The following CRK variants were observed in gnomAD, a reference collection of about 807,000 sequenced individuals.
The protein encoded by CRK is CRK proto-oncogene, adaptor protein.
Under a neutral mutation model 29.8 loss-of-function variants are expected in CRK, and 4 were observed. That is an observed-to-expected ratio of 0.13 (90% CI 0.07 to 0.31). The LOEUF is 0.31. CRK is among the 10% of genes least tolerant of loss of function. The pLI is 1.00. For synonymous variants in CRK, 153 were observed against 164.9 expected, an observed-to-expected ratio of 0.93 and a Z score of 0.55; for missense variants, 274 against 396.5, an observed-to-expected ratio of 0.69 and a Z score of 2.62.
chr17:1,443,621 G>A (rs1363568484), intron 1 of CRK, among the ~76,000 whole-genome samples: 4 of 150,808 alleles, frequency 2.7e-5, no homozygotes, highest in South Asian at 2.1e-4. Context: ...GGATGGTTTC[G>A]ATCTCCTGAC....
At position 1,449,362 on chromosome 17, in the gene CRK, T is replaced by G. The variant is rs56357629; in HGVS notation, c.241+6515A>C. On this transcript the variant is annotated intron_variant, in intron 1 of 2. Transcript: ENST00000300574. ...CCTCTCAAAGATAAGAAGTTTTCCA[T>G]TTTGCTTCAAAAGCCCCCACACCTC... Among the ~76,000 whole-genome samples the G allele has an allele frequency of 6.1e-3, 922 of 152,294 alleles. 7 individuals are homozygous for G. The highest frequency in any genetic ancestry group is 9.5e-3 in the Non-Finnish European group (643 of 68,030).
At position 1,427,100 on chromosome 17, in the gene CRK, G is replaced by T. The variant is rs551727279; in HGVS notation, c.778-3450C>A. The stretch of plus-strand genomic sequence containing the variant: ...TTCTGACATGCCCCAGCCAGGCTAG[G>T]CAACAATAGCAAGACTGTGTCTCTT... On this transcript the variant is annotated intron_variant, in intron 2 of 2. Transcript: ENST00000300574. Among the ~76,000 whole-genome samples, 24 of 135,240 alleles carry T rather than the reference G, an allele frequency of 1.8e-4. 1 individual carries two copies. Among genetic ancestry groups the T allele is most frequent in the Middle Eastern group, 4.2e-3 (1 of 238 alleles). The allele number at this position is 135,240 out of a possible 152,430, so 88.7% of individuals were successfully genotyped here.
intron 1 of CRK, among the ~76,000 whole-genome samples, chr17:1,449,966 A>C (rs566280024): frequency 1.3e-5 from 2 of 152,318 alleles, no homozygotes; most frequent in East Asian, 1.9e-4. Flanking sequence ...TGGGAGGTCA[A>C]GGCAGGTGGA....
intron 2 of CRK, among the ~76,000 whole-genome samples, chr17:1,427,307 A>T (rs2073790583): frequency 6.6e-6 from 1 of 150,818 alleles, no homozygotes; most frequent in South Asian, 2.1e-4. Flanking sequence ...AAAAAAAAGA[A>T]TCTTGGCCGG....
In CRK at chr17:1,448,717, T is replaced by A. The variant is rs550664891; in HGVS notation, c.241+7160A>T. Among the ~76,000 whole-genome samples the A allele has an allele frequency of 5.0e-4, 76 of 150,974 alleles. 1 individual carries two copies. The highest frequency in any genetic ancestry group is 8.8e-4 in the Non-Finnish European group (60 of 67,908). On this transcript the variant is annotated intron_variant, in intron 1 of 2. Transcript: ENST00000300574. ...TCCAAATTCCTTCAGCAATTTTCAA[T>A]TCATCCTCAAATCCAGAGCCCACTG...
chr17:1,436,600 A>G lies in CRK; in HGVS notation c.777+20T>C, dbSNP rs747593853. ...ACCCTGCAGCAGATCTCTTCTTTCT[A>G]CATTGTGCACGTTATGTACCTCCAA... On this transcript the variant is annotated intron_variant, in intron 2 of 2. Coordinates refer to ENST00000300574, the MANE Select transcript of CRK (RefSeq NM_016823.4). 2 of 1,575,348 alleles carry G rather than the reference A, an allele frequency of 1.3e-6. No homozygotes were observed. Among genetic ancestry groups the G allele is most frequent in the African/African-American group, 1.4e-5 (1 of 73,242 alleles).
chr17:1,432,646 G>A (rs1445562260), intron 2 of CRK, among the ~76,000 whole-genome samples: 4 of 151,492 alleles, frequency 2.6e-5, no homozygotes, highest in Non-Finnish European at 4.4e-5. Flanking sequence ...GCGTGGTGGC[G>A]GGCGCCTGTA....
At chr17:1,431,100 C>T (rs1161039747) in intron 2 of CRK, among the ~76,000 whole-genome samples, 1 of 119,112 alleles carries the variant, frequency 8.4e-6, no homozygotes, top group Non-Finnish European at 1.9e-5. Flanking sequence ...ACAAATTAAC[C>T]CTTTGTGCTT....
intron 2 of CRK, among the ~76,000 whole-genome samples, chr17:1,430,903 T>C (rs1429997993): frequency 6.6e-6 from 1 of 151,054 alleles, no homozygotes; most frequent in Non-Finnish European, 1.5e-5. Context: ...CCGTCTCTAC[T>C]AAAAATACAA....
chr17:1,444,749 C>T (rs539367296), intron 1 of CRK, among the ~76,000 whole-genome samples: 2 of 151,432 alleles, frequency 1.3e-5, no homozygotes, highest in African/African-American at 4.8e-5. Context: ...AGGAGAATCG[C>T]TGGAACCCGG....
At chr17:1,430,521 T>C (rs1458334409) in intron 2 of CRK, among the ~76,000 whole-genome samples, 2 of 148,286 alleles carry the variant, frequency 1.3e-5, no homozygotes, top group Non-Finnish European at 3.0e-5. Flanking sequence ...CACGTCCGGC[T>C]AATTTTTTGT....
intron 2 of CRK, among the ~76,000 whole-genome samples, chr17:1,433,006 T>C (rs973710045): frequency 3.9e-5 from 6 of 152,160 alleles, no homozygotes; most frequent in African/African-American, 1.4e-4. Context: ...AGACTGAATG[T>C]GGTTACTACA....
chr17:1,423,285 G>T lies in CRK; in HGVS notation c.*228C>A. On this transcript the variant is annotated 3_prime_UTR_variant, in exon 3 of 3. Transcript: ENST00000300574. The stretch of plus-strand genomic sequence containing the variant: ...GATACACACAGGCACGACCACTACC[G>T]CCTCCAATTGCCAATTCAGAAGCTA... 1 of 580,570 alleles carries T rather than the reference G, an allele frequency of 1.7e-6. No individual in the cohort carries two copies. The highest frequency in any genetic ancestry group is 3.0e-6 in the Non-Finnish European group (1 of 334,200). 36.0% of individuals were successfully genotyped at this position (580,570 alleles called of 1,614,324 possible).
intron 1 of CRK, among the ~76,000 whole-genome samples, chr17:1,439,908 T>G (rs962330003): frequency 6.6e-6 from 1 of 152,008 alleles, no homozygotes; most frequent in African/African-American, 2.4e-5. Flanking sequence ...ATCCTAGAAC[T>G]TTAGGAGGCT....
chr17:1,424,073 T>TTG (rs1350845781), intron 2 of CRK, among the ~76,000 whole-genome samples: 166 of 148,040 alleles, frequency 1.1e-3, no homozygotes, highest in African/African-American at 3.5e-3. Flanking sequence ...CTCCGTTTTT[T>TTG]TTTTTTTTTT....
Position 1,456,175 on chromosome 17 carries a change from C to A in CRK, c.-58G>T. ...CCGCCGCGCGCGCCCCTCCGGCCCC[C>A]GGCGCCCGCCGCCCAGCGGACCGGC... is the stretch of plus-strand genomic sequence containing the variant. On this transcript the variant is annotated 5_prime_UTR_variant, in exon 1 of 3. Transcript: ENST00000300574. 2.2e-6 allele frequency: 3 copies of A among 1,377,914 alleles called. No individual in the cohort carries two copies. The highest frequency in any genetic ancestry group is 2.8e-6 in the Non-Finnish European group (3 of 1,070,108). 85.4% of individuals were successfully genotyped at this position (1,377,914 alleles called of 1,614,324 possible).
chr17:1,431,454 G>A (rs1318672275), intron 2 of CRK, among the ~76,000 whole-genome samples: 1 of 152,232 alleles, frequency 6.6e-6, no homozygotes, highest in Admixed American at 6.5e-5. Flanking sequence ...CGGGGCGGTG[G>A]CTCACGCCTG....
intron 2 of CRK, among the ~76,000 whole-genome samples, chr17:1,426,836 T>C (rs1338542844): frequency 7.3e-6 from 1 of 137,740 alleles, no homozygotes; most frequent in Non-Finnish European, 1.5e-5. Context: ...CACTCCAGCC[T>C]GGCCAACAGA....
rs575342757 is a variant in CRK at position 1,430,506 on chromosome 17, G to A, written c.777+6114C>T. On this transcript the variant is annotated intron_variant, in intron 2 of 2. Transcript: ENST00000300574. The stretch of plus-strand genomic sequence containing the variant: ...CGAGTACCTGGGACTACAGATGCCC[G>A]CCACCACGTCCGGCTAATTTTTTGT... 7.5e-4 allele frequency among the ~76,000 whole-genome samples: 112 copies of A among 150,312 alleles called. 1 individual carries two copies. The highest frequency in any genetic ancestry group is 1.1e-3 in the Admixed American group (16 of 15,096).
Sources: gnomAD v4.1 joint callset for allele counts (sites outside exome capture counted in the v4.1 genomes callset) on GRCh38, gnomAD v4.1.1 for gene constraint, MANE v1.5 for transcripts, NCBI Gene and HGNC (gene_info 2026-07-23, HGNC 2026-07-21) for gene names.